Variants in LRRC4C observed in about 807,000 individuals in gnomAD.
LRRC4C encodes leucine rich repeat containing 4C.
Under a neutral mutation model 33.6 loss-of-function variants are expected in LRRC4C, and 5 were observed. The ratio of observed to expected loss-of-function variants is 0.15; its 90% CI spans 0.08 to 0.31. The LOEUF (loss-of-function observed/expected upper bound fraction) is 0.31, where lower values mean the gene tolerates loss of function less well. Ranked by LOEUF, LRRC4C falls within the 10% of genes least tolerant of loss-of-function variation. LRRC4C has a pLI of 1.00. For synonymous variants in LRRC4C, 329 were observed against 302.0 expected (o/e 1.09, Z -0.93); for missense variants, 560 against 796.7 (o/e 0.70, Z 3.58).
At chr11:41,031,665 T>C (rs1284562313) in intron 1 of LRRC4C, among the ~76,000 whole-genome samples, 1 of 152,010 alleles carries the variant, frequency 6.6e-6, no homozygotes, top group Non-Finnish European at 1.5e-5. Flanking sequence ...TATTGGGACA[T>C]GCTGGATGCT....
Position 40,138,804 on chromosome 11 carries a change from G to A in LRRC4C, c.-43+1997C>T, listed in dbSNP as rs61911795. Among the ~76,000 whole-genome samples, 1,053 of 152,232 alleles carry A rather than the reference G, an allele frequency of 6.9e-3. 16 individuals are homozygous for A. Among genetic ancestry groups the A allele is most frequent in the Non-Finnish European group, 0.01 (704 of 68,018 alleles). ...TCAGCACAGTGTTTTTATTCTCTGG[G>A]AGGAAAATAAGGACTCAGGAGAAAT... On this transcript the variant is annotated intron_variant, in intron 6 of 6. Transcript: ENST00000528697.
At chr11:40,680,446 C>T (rs1944628007) in intron 2 of LRRC4C, among the ~76,000 whole-genome samples, 1 of 152,046 alleles carries the variant, frequency 6.6e-6, no homozygotes, top group South Asian at 2.1e-4. Context: ...CTCTGTGTCC[C>T]CACCCAAATC....
At chr11:40,599,258 A>G (rs1959713415) in intron 3 of LRRC4C, among the ~76,000 whole-genome samples, 1 of 151,838 alleles carries the variant, frequency 6.6e-6, no homozygotes, top group Non-Finnish European at 1.5e-5. Context: ...AGACCAGCCC[A>G]GGCAACACAG....
intron 3 of LRRC4C, among the ~76,000 whole-genome samples, chr11:40,329,650 C>T (rs557006104): frequency 5.9e-5 from 9 of 151,900 alleles, no homozygotes; most frequent in Admixed American, 2.6e-4. Flanking sequence ...AATAGACTGT[C>T]GTTGAAGGTA....
At chr11:40,830,158 G>T (rs1010905068) in intron 2 of LRRC4C, among the ~76,000 whole-genome samples, 2 of 152,060 alleles carry the variant, frequency 1.3e-5, no homozygotes, top group Non-Finnish European at 2.9e-5. Context: ...GGAAATGGCA[G>T]AAATGTTAAC....
chr11:40,902,046 A>C (rs1488590761), intron 2 of LRRC4C, among the ~76,000 whole-genome samples: 5 of 131,072 alleles, frequency 3.8e-5, no homozygotes, highest in Non-Finnish European at 6.5e-5. Flanking sequence ...ACACACACAC[A>C]CCTCTTTTTG....
chr11:40,336,720 T>C (rs1193637616), intron 3 of LRRC4C, among the ~76,000 whole-genome samples: 1 of 151,974 alleles, frequency 6.6e-6, no homozygotes, highest in Non-Finnish European at 1.5e-5. Flanking sequence ...CTCACGCCTG[T>C]AATCCCAGCA....
chr11:41,244,868 C>T (rs986010102), intron 1 of LRRC4C, among the ~76,000 whole-genome samples: 4 of 152,120 alleles, frequency 2.6e-5, no homozygotes, highest in African/African-American at 9.7e-5. Flanking sequence ...CAAATACTCA[C>T]GACTGGCTCA....
chr11:40,377,105 C>T (rs1455492273), intron 3 of LRRC4C, among the ~76,000 whole-genome samples: 1 of 152,030 alleles, frequency 6.6e-6, no homozygotes, highest in Non-Finnish European at 1.5e-5. Flanking sequence ...TGAGAAGACA[C>T]AAGAATGAGA....
intron 1 of LRRC4C, among the ~76,000 whole-genome samples, chr11:41,346,196 C>T (rs1044528425): frequency 3.3e-5 from 5 of 152,268 alleles, no homozygotes; most frequent in African/African-American, 9.6e-5. Flanking sequence ...AGAGAGGAAT[C>T]GCAGTGTCAG....
At chr11:40,914,125 G>A (rs980081054) in intron 2 of LRRC4C, among the ~76,000 whole-genome samples, 6 of 152,122 alleles carry the variant, frequency 3.9e-5, no homozygotes, top group Non-Finnish European at 7.4e-5. Flanking sequence ...AGTACAAGGA[G>A]CAGTTGGTAC....
chr11:41,369,265 C>T (rs1952656449), intron 1 of LRRC4C, among the ~76,000 whole-genome samples: 1 of 152,028 alleles, frequency 6.6e-6, no homozygotes. Flanking sequence ...TATAGAAGAA[C>T]ATTATGCCCA....
intron 1 of LRRC4C, among the ~76,000 whole-genome samples, chr11:41,105,977 G>A (rs1482507767): frequency 2.6e-5 from 4 of 151,822 alleles, no homozygotes; most frequent in African/African-American, 4.8e-5. Context: ...TGCCTTTTTT[G>A]TACCTACTCA....
chr11:40,890,375 C>G lies in LRRC4C; in HGVS notation c.-407+43260G>C, dbSNP rs1415823302. ...GAGAGAACAAAAGAAGGCTGAATTC[C>G]CTTTATGACAAAACTCTGTCATGAT... On this transcript the variant is annotated intron_variant, in intron 2 of 6. Transcript: ENST00000528697. Among the ~76,000 whole-genome samples, 2 of 152,010 alleles carry G rather than the reference C, an allele frequency of 1.3e-5. 1 individual carries two copies. Among genetic ancestry groups the G allele is most frequent in the African/African-American group, 4.8e-5 (2 of 41,406 alleles).
At chr11:41,209,466 G>T (rs1368537529) in intron 1 of LRRC4C, among the ~76,000 whole-genome samples, 1 of 151,578 alleles carries the variant, frequency 6.6e-6, no homozygotes, top group Non-Finnish European at 1.5e-5. Context: ...CATACCTCAG[G>T]TCTAATATAT....
At chr11:41,403,882 C>A (rs548110757) in intron 1 of LRRC4C, among the ~76,000 whole-genome samples, 3 of 152,142 alleles carry the variant, frequency 2.0e-5, no homozygotes, top group South Asian at 2.1e-4. Context: ...TCTGTTCCTA[C>A]AGTGGAACTT....
At chr11:41,286,711 T>A (rs1156389113) in intron 1 of LRRC4C, among the ~76,000 whole-genome samples, 1 of 150,130 alleles carries the variant, frequency 6.7e-6, no homozygotes. Flanking sequence ...GTTACTTTGC[T>A]TTTAGAATTG....
intron 1 of LRRC4C, among the ~76,000 whole-genome samples, chr11:41,425,542 A>C (rs886285136): frequency 1.1e-4 from 16 of 152,114 alleles, no homozygotes; most frequent in Admixed American, 9.8e-4. Context: ...TTTCGATAAC[A>C]AAAGTCTTAC....
intron 5 of LRRC4C, among the ~76,000 whole-genome samples, chr11:40,148,713 T>G (rs1359360611): frequency 1.3e-5 from 2 of 152,206 alleles, no homozygotes; most frequent in African/African-American, 4.8e-5. Flanking sequence ...ATCTTTGCTT[T>G]GTTGCAACTG....
Sources: allele counts gnomAD v4.1 joint callset (sites outside exome capture counted in the v4.1 genomes callset), GRCh38; gene constraint gnomAD v4.1.1; transcripts MANE v1.5; gene names NCBI Gene and HGNC (gene_info 2026-07-23, HGNC 2026-07-21).